Variants in DDX60L observed in about 807,000 individuals in gnomAD.
The protein encoded by DDX60L is DExD/H-box 60 like.
A neutral mutation model predicts 211.6 loss-of-function variants in DDX60L; 191 were observed. The ratio of observed to expected loss-of-function variants is 0.90; its 90% CI spans 0.80 to 1.02. The LOEUF is 1.02. Ranked by LOEUF, DDX60L falls within the 50% of genes least tolerant of loss-of-function variation. DDX60L has a pLI of 0.00. For missense variants in DDX60L, 2,007 were observed against 1,984.1 expected (o/e 1.01, Z -0.22); for synonymous variants, 706 against 694.1 (o/e 1.02, Z -0.27).
At chr4:168,414,977 A>T (rs1332866958) in intron 22 of DDX60L, among the ~76,000 whole-genome samples, 4 of 151,714 alleles carry the variant, frequency 2.6e-5, no homozygotes, top group Non-Finnish European at 5.9e-5. Context: ...ACAGTAATTT[A>T]TTGTATATTT....
At chr4:168,379,301 G>T in intron 32 of DDX60L, 62 bp downstream of exon 32, 1 of 1,348,964 alleles carries the variant, frequency 7.4e-7, no homozygotes, top group Non-Finnish European at 9.9e-7. Context: ...CATATCTGCG[G>T]TTTTGGCTAT....
At chr4:168,411,022 T>G (rs1180000661) in intron 22 of DDX60L, among the ~76,000 whole-genome samples, 1 of 152,236 alleles carries the variant, frequency 6.6e-6, no homozygotes, top group Non-Finnish European at 1.5e-5. Context: ...TCTCCAGTTA[T>G]TAAACTTTGG....
Position 168,358,024 on chromosome 4 carries a change from T to G in DDX60L, c.*123A>C. 2 of 831,278 alleles carry G rather than the reference T, an allele frequency of 2.4e-6. No individual in the cohort carries two copies. The highest frequency in any genetic ancestry group is 3.8e-6 in the Non-Finnish European group (2 of 530,348). 51.5% of individuals were successfully genotyped at this position (831,278 alleles called of 1,614,324 possible). On this transcript the variant is annotated 3_prime_UTR_variant, in exon 38 of 38. Transcript: ENST00000682922. Reference sequence around the variant, plus strand: ...GTTAGAAAATAGCAGAGCTGATATCTGAGTTTAATTCTGTTTGACTCCAAG... The same window carrying G: ...GTTAGAAAATAGCAGAGCTGATATCGGAGTTTAATTCTGTTTGACTCCAAG...
intron 37 of DDX60L, among the ~76,000 whole-genome samples, chr4:168,359,908 C>T (rs1738816454): frequency 6.6e-6 from 1 of 152,174 alleles, no homozygotes; most frequent in Admixed American, 6.5e-5. Context: ...TATTTCTGCA[C>T]ATTTGGATAC....
chr4:168,403,762 GAAGT>G (rs1747243282), intron 25 of DDX60L, among the ~76,000 whole-genome samples: 2 of 152,178 alleles, frequency 1.3e-5, no homozygotes, highest in South Asian at 4.1e-4. Context: ...AAAAGTCAAG[GAAGT>G]AAGAGGGTAA....
At chr4:168,472,127 A>G (rs1411239785) in intron 3 of DDX60L, among the ~76,000 whole-genome samples, 191 bp from the exon 4 acceptor site, 3 of 152,222 alleles carry the variant, frequency 2.0e-5, no homozygotes. Context: ...ATTTTATTAA[A>G]ATAAAATTAG....
intron 35 of DDX60L, among the ~76,000 whole-genome samples, chr4:168,372,879 AC>A (rs1275485940): frequency 6.6e-6 from 1 of 152,192 alleles, no homozygotes; most frequent in African/African-American, 2.4e-5. Flanking sequence ...CTATTTGTTT[AC>A]TTTGGGTATC....
intron 25 of DDX60L, among the ~76,000 whole-genome samples, chr4:168,402,480 T>C (rs1354242627): frequency 6.6e-6 from 1 of 152,072 alleles, no homozygotes; most frequent in Non-Finnish European, 1.5e-5. Flanking sequence ...TTTCTACTGA[T>C]TAGTTAAGTG....
intron 36 of DDX60L, among the ~76,000 whole-genome samples, chr4:168,370,153 T>C (rs1740755917): frequency 6.6e-6 from 1 of 152,102 alleles, no homozygotes; most frequent in African/African-American, 2.4e-5. Flanking sequence ...ACAATAGCTA[T>C]GATATGGAAT....
intron 27 of DDX60L, among the ~76,000 whole-genome samples, chr4:168,395,338 A>G (rs1745585880): frequency 6.6e-6 from 1 of 152,192 alleles, no homozygotes; most frequent in Non-Finnish European, 1.5e-5. Flanking sequence ...ATTTGTATAT[A>G]ATATGGCCTT....
In DDX60L at chr4:168,455,272, T is replaced by TTGTGTGTGTGTGTGTGTGTG. The variant is rs34353821; in HGVS notation, c.837+747_837+766dup. On this transcript the variant is annotated intron_variant, in intron 7 of 37. Transcript: ENST00000682922. ...CCAATATCTAGACTGCATACAAACT[T>TTGTGTGTGTGTGTGTGTGTG]TGTGTGTGTGTGTGTGTGTGTGTGT... Among the ~76,000 whole-genome samples the TTGTGTGTGTGTGTGTGTGTG allele has an allele frequency of 4.2e-3, 603 of 144,168 alleles. 8 individuals carry two copies. Among genetic ancestry groups the TTGTGTGTGTGTGTGTGTGTG allele is most frequent in the African/African-American group, 0.014 (533 of 37,540 alleles). 94.6% of individuals were successfully genotyped at this position (144,168 alleles called of 152,430 possible). A position where few individuals can be genotyped will look rare whatever the true frequency, so the allele number is the denominator to read the frequency against.
intron 29 of DDX60L, among the ~76,000 whole-genome samples, chr4:168,387,651 CTACAGAAATTGTGA>C (rs1744134040): frequency 6.6e-6 from 1 of 152,148 alleles, no homozygotes; most frequent in Non-Finnish European, 1.5e-5. Context: ...AGGATGCTGG[CTACAGAAATTGTGA>C]TACAGAAATC....
chr4:168,405,209 T>A (rs920561599), intron 24 of DDX60L, among the ~76,000 whole-genome samples: 2 of 152,114 alleles, frequency 1.3e-5, no homozygotes, highest in Non-Finnish European at 2.9e-5. Flanking sequence ...GATTTCACCA[T>A]GTTGGCCAGG....
chr4:168,374,960 G>A (rs1285949345), intron 34 of DDX60L, among the ~76,000 whole-genome samples: 1 of 152,146 alleles, frequency 6.6e-6, no homozygotes, highest in East Asian at 1.9e-4. Flanking sequence ...TTAGACCTTG[G>A]CATTCTGCTG....
chr4:168,390,406 G>C (rs1200630189), intron 29 of DDX60L: 3 of 1,277,560 alleles, frequency 2.3e-6, no homozygotes, highest in Non-Finnish European at 3.0e-6. Flanking sequence ...CTATACTTGA[G>C]AAAAGGAAAA....
At chr4:168,437,036 T>C (rs999244323) in intron 10 of DDX60L, among the ~76,000 whole-genome samples, 7 of 152,160 alleles carry the variant, frequency 4.6e-5, no homozygotes, top group African/African-American at 1.7e-4. Flanking sequence ...CATCCCTTCA[T>C]ACTACCATGC....
At chr4:168,371,018 C>G (rs1356530014) in intron 36 of DDX60L, among the ~76,000 whole-genome samples, 2 of 151,854 alleles carry the variant, frequency 1.3e-5, no homozygotes, top group African/African-American at 4.8e-5. Context: ...ACTTTCAGAT[C>G]TTTTCCCTCC....
intron 26 of DDX60L, among the ~76,000 whole-genome samples, chr4:168,397,530 G>A (rs561914449): frequency 6.6e-6 from 1 of 152,258 alleles, no homozygotes; most frequent in East Asian, 1.9e-4. Flanking sequence ...AGATGTGGGG[G>A]AAATGAGCAG....
chr4:168,463,641 C>T (rs1161421747), intron 4 of DDX60L, among the ~76,000 whole-genome samples: 1 of 152,136 alleles, frequency 6.6e-6, no homozygotes, highest in Non-Finnish European at 1.5e-5. Flanking sequence ...GCCTACTAGA[C>T]TGTCATAATT....
Sources: allele counts gnomAD v4.1 joint callset (sites outside exome capture counted in the v4.1 genomes callset), GRCh38; gene constraint gnomAD v4.1.1; transcripts MANE v1.5; gene names NCBI Gene and HGNC (gene_info 2026-07-23, HGNC 2026-07-21).